The following RNF150 variants were observed in gnomAD, a reference collection of about 807,000 sequenced individuals.
The protein encoded by RNF150 is ring finger protein 150.
Under a neutral mutation model 39.3 loss-of-function variants are expected in RNF150, and 24 were observed. That is an observed-to-expected ratio of 0.61 (90% CI 0.44 to 0.86). RNF150 has a LOEUF of 0.86. Among genes scored for constraint, RNF150 ranks in the 40% least tolerant of loss-of-function variants. RNF150 has a pLI of 0.00. For synonymous variants in RNF150, 255 were observed against 227.3 expected, an observed-to-expected ratio of 1.12 and a Z score of -1.10; for missense variants, 502 against 587.8, an observed-to-expected ratio of 0.85 and a Z score of 1.51.
chr4:141,195,088 C>T (rs1167107400), intron 1 of RNF150, among the ~76,000 whole-genome samples: 1 of 148,432 alleles, frequency 6.7e-6, no homozygotes, highest in Admixed American at 6.7e-5. Context: ...CCTACACATC[C>T]CCTTTCCAGA....
chr4:140,930,076 GC>G (rs1461724901), intron 4 of RNF150, among the ~76,000 whole-genome samples: 1 of 152,134 alleles, frequency 6.6e-6, no homozygotes, highest in Non-Finnish European at 1.5e-5. Context: ...TGGGAGAATT[GC>G]TTGAACCTGG....
Position 140,896,687 on chromosome 4 carries a change from TA to T in RNF150, c.1198+14456del, listed in dbSNP as rs368166601. Reference sequence around the variant, plus strand: ...ATGTACCCTAAAACTTAGAGTATAATAAAAAAAAAAAAACAAAAAAACAAAC... The same window carrying T: ...ATGTACCCTAAAACTTAGAGTATAATAAAAAAAAAAAACAAAAAAACAAAC... On this transcript the variant is annotated intron_variant, in intron 6 of 6. Coordinates refer to ENST00000515673, the MANE Select transcript of RNF150 (RefSeq NM_020724.2). Among the ~76,000 whole-genome samples, 576 of 79,288 alleles carry T rather than the reference TA, an allele frequency of 7.3e-3. 8 individuals are homozygous for T. The highest frequency in any genetic ancestry group is 0.021 in the African/African-American group (493 of 23,868). 52.0% of individuals were successfully genotyped at this position (79,288 alleles called of 152,430 possible).
chr4:140,931,097 G>A (rs182770498), intron 4 of RNF150, among the ~76,000 whole-genome samples: 9 of 152,068 alleles, frequency 5.9e-5, no homozygotes, highest in East Asian at 3.9e-4. Flanking sequence ...GAGAAGGGGC[G>A]GGGAAAGGGA....
intron 1 of RNF150, among the ~76,000 whole-genome samples, chr4:141,060,540 A>G (rs1465941168): frequency 6.6e-6 from 1 of 152,228 alleles, no homozygotes; most frequent in Non-Finnish European, 1.5e-5. Flanking sequence ...CAAATATGTG[A>G]TAAATAGTCA....
intron 1 of RNF150, among the ~76,000 whole-genome samples, chr4:141,176,215 C>T (rs768548849): frequency 1.3e-5 from 2 of 152,000 alleles, no homozygotes; most frequent in Admixed American, 6.6e-5. Context: ...ATTCTTAAAA[C>T]GGCACTAATC....
chr4:140,978,314 C>A (rs572440754), intron 1 of RNF150, among the ~76,000 whole-genome samples: 2 of 151,062 alleles, frequency 1.3e-5, no homozygotes, highest in African/African-American at 4.9e-5. Context: ...GTAGATTTGT[C>A]ATTACAGTTA....
At chr4:141,028,367 A>G (rs1735800441) in intron 1 of RNF150, among the ~76,000 whole-genome samples, 1 of 152,182 alleles carries the variant, frequency 6.6e-6, no homozygotes, top group Non-Finnish European at 1.5e-5. Flanking sequence ...ACTGGAGCAT[A>G]TCTCATAAAC....
intron 1 of RNF150, among the ~76,000 whole-genome samples, chr4:141,159,630 C>G (rs542355531): frequency 6.6e-6 from 1 of 152,192 alleles, no homozygotes; most frequent in South Asian, 2.1e-4. Context: ...GCAGCCTCCA[C>G]CTTCTGGGCC....
chr4:141,189,780 A>C (rs764615945), intron 1 of RNF150, among the ~76,000 whole-genome samples: 5 of 152,180 alleles, frequency 3.3e-5, no homozygotes, highest in Non-Finnish European at 4.4e-5. Flanking sequence ...GGTTGACTTC[A>C]GACTGCTGTG....
intron 1 of RNF150, among the ~76,000 whole-genome samples, chr4:141,051,897 T>C (rs1051913720): frequency 2.0e-5 from 3 of 152,174 alleles, no homozygotes; most frequent in Non-Finnish European, 4.4e-5. Flanking sequence ...TCCATTTTCA[T>C]GCTGCTGATA....
chr4:141,206,403 CAAT>C (rs1446843757), intron 1 of RNF150, among the ~76,000 whole-genome samples: 4 of 101,294 alleles, frequency 3.9e-5, no homozygotes, highest in Non-Finnish European at 5.6e-5. Context: ...CGGGTGACAA[CAAT>C]GAGACTCAAT....
intron 1 of RNF150, among the ~76,000 whole-genome samples, chr4:141,048,098 C>T (rs1382115060): frequency 6.6e-6 from 1 of 152,126 alleles, no homozygotes; most frequent in Non-Finnish European, 1.5e-5. Context: ...CCTCAAAGAT[C>T]CTGCCTAACC....
chr4:141,053,309 G>A (rs974991943), intron 1 of RNF150, among the ~76,000 whole-genome samples: 1 of 152,114 alleles, frequency 6.6e-6, no homozygotes, highest in South Asian at 2.1e-4. Flanking sequence ...TCAATAAAAT[G>A]AGAATGAAGA....
intron 1 of RNF150, among the ~76,000 whole-genome samples, chr4:141,167,033 A>C (rs1168943502): frequency 4.6e-5 from 7 of 152,172 alleles, no homozygotes; most frequent in Non-Finnish European, 7.3e-5. Flanking sequence ...ATGATTGTAC[A>C]TTTAGAAAAC....
intron 1 of RNF150, among the ~76,000 whole-genome samples, chr4:141,101,521 T>C (rs1739009494): frequency 6.6e-6 from 1 of 152,100 alleles, no homozygotes; most frequent in Non-Finnish European, 1.5e-5. Context: ...CCTGCCCAAA[T>C]GGTTAATTTT....
intron 6 of RNF150, among the ~76,000 whole-genome samples, chr4:140,883,737 G>T (rs998336864): frequency 6.6e-6 from 1 of 152,064 alleles, no homozygotes; most frequent in Non-Finnish European, 1.5e-5. Flanking sequence ...TGGACAATTT[G>T]ATTGTAATGT....
At chr4:141,018,570 T>C (rs1174309765) in intron 1 of RNF150, among the ~76,000 whole-genome samples, 1 of 152,160 alleles carries the variant, frequency 6.6e-6, no homozygotes, top group East Asian at 1.9e-4. Context: ...ACCTTAGTCT[T>C]ATAGGCCTTG....
chr4:141,171,963 A>G (rs973051747), intron 1 of RNF150, among the ~76,000 whole-genome samples: 2 of 152,172 alleles, frequency 1.3e-5, no homozygotes, highest in African/African-American at 4.8e-5. Context: ...AAAAATACTT[A>G]TACTTTTATA....
intron 1 of RNF150, among the ~76,000 whole-genome samples, chr4:141,061,341 G>T (rs1388220220): frequency 6.6e-6 from 1 of 151,980 alleles, no homozygotes; most frequent in Non-Finnish European, 1.5e-5. Flanking sequence ...TGAGCTATTT[G>T]TTCACACATT....
Sources: gnomAD v4.1 joint callset for allele counts (sites outside exome capture counted in the v4.1 genomes callset) on GRCh38, gnomAD v4.1.1 for gene constraint, MANE v1.5 for transcripts, NCBI Gene and HGNC (gene_info 2026-07-23, HGNC 2026-07-21) for gene names.